The following UNC5B variants were observed in gnomAD, a reference collection of about 807,000 sequenced individuals.
The protein encoded by UNC5B is netrin receptor UNC5B.
In UNC5B, 56 loss-of-function variants were observed where a neutral mutation model predicts 103.7. The ratio of observed to expected loss-of-function variants is 0.54; its 90% CI spans 0.44 to 0.67. The LOEUF is 0.67. Ranked by LOEUF, UNC5B falls within the 30% of genes least tolerant of loss-of-function variation. The pLI, the probability that UNC5B is intolerant of heterozygous loss-of-function variation, is 0.00. For missense variants in UNC5B, 1,194 were observed against 1,284.5 expected, an observed-to-expected ratio of 0.93 and a Z score of 1.08; for synonymous variants, 577 against 542.0, an observed-to-expected ratio of 1.06 and a Z score of -0.90.
At chr10:71,291,973 G>A in intron 10 of UNC5B, 152 bp downstream of exon 10, 2 of 1,272,300 alleles carry the variant, frequency 1.6e-6, no homozygotes, top group Non-Finnish European at 2.1e-6. Flanking sequence ...GTATAAAATA[G>A]AGAGGTCTGA....
chr10:71,218,707 C>T (rs1843389477), intron 1 of UNC5B, among the ~76,000 whole-genome samples: 1 of 152,210 alleles, frequency 6.6e-6, no homozygotes, highest in Non-Finnish European at 1.5e-5. Context: ...CAGTCAACTC[C>T]CAGCTTCCCC....
Position 71,293,729 on chromosome 10 carries a change from G to T in UNC5B, c.1971G>T (p.Leu657=). Residue 657 remains leucine, a synonymous_variant, in exon 13 of 17, where the codon CTG becomes CTT. Coordinates refer to ENST00000335350, the MANE Select transcript of UNC5B (RefSeq NM_170744.5). ...TGGTGACCCTGGATGAGGAGACCCT[G>T]AACACACCCTGCTACTGCCAGCTGG... The part of the protein sequence containing the change: ...EEVVTLDEET[L]NTPCYCQLEP... 6.3e-7 allele frequency: 1 copy of T among 1,590,910 alleles called. No homozygotes were observed. Among genetic ancestry groups the T allele is most frequent in the Admixed American group, 1.8e-5 (1 of 56,234 alleles).
At chr10:71,268,156 T>C (rs1428498698) in intron 1 of UNC5B, among the ~76,000 whole-genome samples, 1 of 152,208 alleles carries the variant, frequency 6.6e-6, no homozygotes, top group East Asian at 1.9e-4. Flanking sequence ...GGGAAACCCC[T>C]ACCCAGTTCC....
chr10:71,226,673 T>G (rs1335581691), intron 1 of UNC5B, among the ~76,000 whole-genome samples: 1 of 152,380 alleles, frequency 6.6e-6, no homozygotes, highest in East Asian at 1.9e-4. Flanking sequence ...TCTCTCTTTT[T>G]AACATCATGA....
chr10:71,296,695 G>A lies in UNC5B; in HGVS notation c.2443G>A (p.Val815Met). 6.2e-7 allele frequency: 1 copy of A among 1,614,150 alleles called. No individual in the cohort carries two copies. Among genetic ancestry groups the A allele is most frequent in the Non-Finnish European group, 8.5e-7 (1 of 1,180,004 alleles). The change falls in exon 15 of 17, where the codon GTG becomes ATG. Residue 815 changes from valine to methionine, a missense_variant. Physicochemically the swap from Val to Met is conservative, Grantham distance 21. Coordinates refer to ENST00000335350, the MANE Select transcript of UNC5B (RefSeq NM_170744.5). ...CACCTGCAAGATCTGCGTGCGGCAA[G>A]TGGAAGGGGAGGGCCAGATATTCCA... is the stretch of plus-strand genomic sequence containing the variant. ...ELTCKICVRQ[V>M]EGEGQIFQLH...
At position 71,284,855 on chromosome 10, in the gene UNC5B, G is replaced by A. The variant is rs367911914; in HGVS notation, c.440G>A (p.Arg147His). Reference sequence around the variant, plus strand: ...ACCAAGAGTCGCCGAGCCTACGTCCGCATCGCCTGTACGCCACCCTGACCC... The same window carrying A: ...ACCAAGAGTCGCCGAGCCTACGTCCACATCGCCTGTACGCCACCCTGACCC... ...GTTKSRRAYV[R>H]IAYLRKNFDQ... is the part of the protein sequence containing the mutation. Residue 147 changes from arginine (R) to histidine (H), a missense_variant, in exon 3 of 17, where the codon CGC (arginine) becomes CAC (histidine). Transcript: ENST00000335350. 5.9e-5 allele frequency: 94 copies of A among 1,604,708 alleles called. No homozygotes were observed. The Admixed American group carries it at 1.0e-3, about 18-fold the overall frequency.
chr10:71,290,059 C>T (rs768721570), intron 8 of UNC5B, among the ~76,000 whole-genome samples: 2 of 152,214 alleles, frequency 1.3e-5, no homozygotes, highest in Non-Finnish European at 2.9e-5. Context: ...CCCTGAACTG[C>T]CCAGTGTGAA....
At chr10:71,247,112 C>T (rs1275316309) in intron 1 of UNC5B, among the ~76,000 whole-genome samples, 3 of 152,182 alleles carry the variant, frequency 2.0e-5, no homozygotes, top group East Asian at 1.9e-4. Flanking sequence ...TCACTGGGGC[C>T]GTGTGCAGGC....
At chr10:71,262,508 C>T (rs1049320969) in intron 1 of UNC5B, among the ~76,000 whole-genome samples, 4 of 151,988 alleles carry the variant, frequency 2.6e-5, no homozygotes, top group Non-Finnish European at 4.4e-5. Flanking sequence ...AGAACAGGAC[C>T]CAGAGGAGCC....
At chr10:71,295,207 G>A (rs76933104) in intron 13 of UNC5B, among the ~76,000 whole-genome samples, 8,159 of 152,304 alleles carry the variant, frequency 0.054, 233 homozygotes, top group East Asian at 0.095. Context: ...AAGGTGCCTG[G>A]GAAGTGCTCC....
rs560742815 is a variant in UNC5B at position 71,220,538 on chromosome 10, G to T, written c.79+7474G>T. On this transcript the variant is annotated intron_variant, in intron 1 of 16. Coordinates refer to ENST00000335350, the MANE Select transcript of UNC5B (RefSeq NM_170744.5). ...CATTGCCAATTGGAATTCTAAGGAG[G>T]TTAACACGGCCTCCCAGCATTGTCA... is the stretch of plus-strand genomic sequence containing the variant. Among the ~76,000 whole-genome samples, 10 of 152,264 alleles carry T rather than the reference G, an allele frequency of 6.6e-5. No homozygotes were observed. In the South Asian group the frequency reaches 2.1e-3, roughly 32 times the overall value.
In UNC5B at chr10:71,291,488, A is replaced by G. The variant is rs1485236280; in HGVS notation, c.1351A>G (p.Ile451Val). ...TCCTGACCTGACAGCCAGCGCCGGC[A>G]TCTACCGCGGACCCGTGTATGCCCT... ...VPPDLTASAG[I>V]YRGPVYALQD... is the part of the protein sequence containing the mutation. The change falls in exon 10 of 17, where the codon ATC (isoleucine) becomes GTC (valine). Residue 451 changes from isoleucine (I) to valine (V), a missense_variant. Physicochemically the swap from Ile to Val is conservative, Grantham distance 29. Transcript: ENST00000335350. 1 of 1,614,018 alleles carries G rather than the reference A, an allele frequency of 6.2e-7. No homozygotes were observed. Among genetic ancestry groups the G allele is most frequent in the East Asian group, 2.2e-5 (1 of 44,864 alleles).
chr10:71,288,431 A>G (rs1287219794), intron 6 of UNC5B, 137 bp from the exon 7 acceptor site: 6 of 1,294,558 alleles, frequency 4.6e-6, no homozygotes, highest in South Asian at 2.9e-5. Flanking sequence ...TGTGGCACAC[A>G]TGTGTTCTGG....
intron 1 of UNC5B, among the ~76,000 whole-genome samples, chr10:71,214,115 G>C (rs1843287125): frequency 6.6e-6 from 1 of 152,156 alleles, no homozygotes; most frequent in South Asian, 2.1e-4. Context: ...TCCGGAGCCA[G>C]GTGGGGACGG....
At chr10:71,255,358 G>A (rs765884015) in intron 1 of UNC5B, among the ~76,000 whole-genome samples, 6 of 152,140 alleles carry the variant, frequency 3.9e-5, no homozygotes, top group South Asian at 2.1e-4. Context: ...TGCAAGTGTC[G>A]TCACCAAGTT....
In UNC5B at chr10:71,296,831, ACG is replaced by A. The variant is rs1397523561; in HGVS notation, c.2490+91_2490+92del. On this transcript the variant is annotated intron_variant, in intron 15 of 16. Coordinates refer to ENST00000335350, the MANE Select transcript of UNC5B (RefSeq NM_170744.5). ...GGGGCAGATATTCCAGCTGCACACC[ACG>A]CTGGCGGAGGTGAGGGAAGGGTGGG... The A allele has an allele frequency of 4.4e-5, 38 of 871,536 alleles. No homozygotes were observed. In the African/African-American group the frequency reaches 5.2e-4, roughly 12 times the overall value. 54.0% of individuals were successfully genotyped at this position (871,536 alleles called of 1,614,324 possible).
intron 1 of UNC5B, 151 bp from the exon 2 acceptor site, chr10:71,279,670 C>T (rs536637651): frequency 6.9e-5 from 52 of 751,828 alleles, no homozygotes; most frequent in South Asian, 2.8e-4. Context: ...GACTTGACCC[C>T]GGTTGCAGAT....
chr10:71,231,156 G>T (rs1324027725), intron 1 of UNC5B, among the ~76,000 whole-genome samples: 3 of 152,164 alleles, frequency 2.0e-5, no homozygotes, highest in African/African-American at 7.2e-5. Flanking sequence ...AGTCCCCTTA[G>T]CCCAGCAGCC....
chr10:71,254,026 A>T (rs1844234876), intron 1 of UNC5B, among the ~76,000 whole-genome samples: 1 of 152,180 alleles, frequency 6.6e-6, no homozygotes. Flanking sequence ...AACTCAGCAC[A>T]GGGGGAAACG....
Sources: allele counts gnomAD v4.1 joint callset (sites outside exome capture counted in the v4.1 genomes callset), GRCh38; gene constraint gnomAD v4.1.1; transcripts MANE v1.5; gene names NCBI Gene and HGNC (gene_info 2026-07-23, HGNC 2026-07-21).